MYCBPAP: variants seen among roughly 807,000 people sequenced by gnomAD.
MYCBPAP encodes MYCBP associated protein, also known as MYCBP-associated protein.
Under a neutral mutation model 106.1 loss-of-function variants are expected in MYCBPAP, and 60 were observed. The ratio of observed to expected loss-of-function variants is 0.57; its 90% CI spans 0.46 to 0.70. The LOEUF (loss-of-function observed/expected upper bound fraction) is 0.70. Among genes scored for constraint, MYCBPAP ranks in the 30% least tolerant of loss-of-function variants. The pLI is 0.00. For missense variants in MYCBPAP, 1,064 were observed against 1,169.3 expected (o/e 0.91, Z 1.31); for synonymous variants, 407 against 440.6 (o/e 0.92, Z 0.95).
At chr17:50,529,349 G>C (rs536067782) in intron 18 of MYCBPAP, 161 bp downstream of exon 18, 56 of 659,644 alleles carry the variant, frequency 8.5e-5, no homozygotes, top group Middle Eastern at 4.1e-4. Context: ...TAAGGAATGC[G>C]CCTAGCATGT....
At chr17:50,514,620 G>C (rs746306037) in intron 1 of MYCBPAP, among the ~76,000 whole-genome samples, 21 of 152,010 alleles carry the variant, frequency 1.4e-4, no homozygotes, top group Non-Finnish European at 2.8e-4. Context: ...TGCCACAACG[G>C]ACTCTTAAAT....
chr17:50,528,575 A>C (rs2144000165), intron 16 of MYCBPAP, 120 bp from the exon 17 acceptor site: 1 of 1,340,358 alleles, frequency 7.5e-7, no homozygotes, highest in Non-Finnish European at 1.0e-6. Context: ...CCACGCGCCT[A>C]CCAGGGCTCA....
At position 50,513,953 on chromosome 17, in the gene MYCBPAP, A is replaced by G. The variant is rs374200063; in HGVS notation, c.77-2617A>G. 7.9e-5 allele frequency among the ~76,000 whole-genome samples: 12 copies of G among 152,370 alleles called. No individual in the cohort carries two copies. In the East Asian group the frequency reaches 2.3e-3, roughly 29 times the overall value. ...GCCCTGCATGTGTGTTTGTGTGCAC[A>G]GAGCCATGCATTTAACAGACAGATA... On this transcript the variant is annotated intron_variant, in intron 1 of 18. Coordinates refer to ENST00000323776, the MANE Select transcript of MYCBPAP (RefSeq NM_032133.6).
Position 50,529,128 on chromosome 17 carries a change from T to C in MYCBPAP, c.2664T>C (p.Ser888=). Residue 888 remains serine, a synonymous_variant, in exon 18 of 19, where the codon TCT becomes TCC. Coordinates refer to ENST00000323776, the MANE Select transcript of MYCBPAP (RefSeq NM_032133.6). Reference sequence around the variant, plus strand: ...ACCCTACCCCTGACATCATCCTCTCTTCTCAAGAACCCATAGACCCCCTGG... The same window carrying C: ...ACCCTACCCCTGACATCATCCTCTCCTCTCAAGAACCCATAGACCCCCTGG... ...LEDPTPDIIL[S]SQEPIDPLVM... 2.5e-6 allele frequency: 4 copies of C among 1,613,932 alleles called. No individual in the cohort carries two copies. In the South Asian group the frequency reaches 4.4e-5, roughly 18 times the overall value.
chr17:50,522,948 G>A lies in MYCBPAP; in HGVS notation c.1267G>A (p.Gly423Arg). ...GSNPQDKRQV[G>R]IAAHLTFETL... The stretch of plus-strand genomic sequence containing the variant: ...TCCCTCCTCCTTCCAGAGGCAGGTT[G>A]GGATTGCTGCTCACTTGACCTTTGA... The change falls in exon 11 of 19, where the codon GGG (glycine) becomes AGG (arginine). Residue 423 changes from glycine (G) to arginine (R), a missense_variant. By Grantham distance (125) the Gly-to-Arg change is moderately radical (BLOSUM62 -2). Transcript: ENST00000323776. 1.2e-6 allele frequency: 2 copies of A among 1,609,784 alleles called. No homozygotes were observed. The highest frequency in any genetic ancestry group is 4.5e-5 in the East Asian group (2 of 44,724).
intron 14 of MYCBPAP, 139 bp downstream of exon 14, chr17:50,526,406 C>CTATT: frequency 1.8e-6 from 1 of 565,182 alleles, no homozygotes; most frequent in Non-Finnish European, 2.6e-6. Flanking sequence ...CTTGGGTTAT[C>CTATT]TATCTATCTA....
intron 10 of MYCBPAP, 115 bp downstream of exon 10, chr17:50,522,196 G>A (rs1050724059): frequency 7.4e-5 from 54 of 733,650 alleles, no homozygotes; most frequent in Middle Eastern, 3.9e-4. Context: ...TTATCTGGTC[G>A]TGCATTCAGC....
chr17:50,512,164 C>G (rs1348048478), intron 1 of MYCBPAP, among the ~76,000 whole-genome samples: 1 of 151,894 alleles, frequency 6.6e-6, no homozygotes, highest in East Asian at 1.9e-4. Flanking sequence ...CGCCATTCTC[C>G]TGCCTCAGCC....
chr17:50,508,344 G>A, upstream of MYCBPAP: 1 of 482,428 alleles, frequency 2.1e-6, no homozygotes, highest in South Asian at 3.5e-5. Context: ...CGCAACTCGC[G>A]GGGGTCCTCG....
At chr17:50,530,406 A>T in intron 18 of MYCBPAP, 1 of 193,092 alleles carries the variant, frequency 5.2e-6, no homozygotes, top group South Asian at 6.8e-5. Context: ...GAGGCACAAT[A>T]ATCGCTTGAA....
At chr17:50,524,730 G>A (rs1012015284) in intron 12 of MYCBPAP, 147 bp from the exon 13 acceptor site, 2 of 617,232 alleles carry the variant, frequency 3.2e-6, no homozygotes, top group Non-Finnish European at 2.7e-6. Flanking sequence ...GTGTGTGTGT[G>A]TGTGTGTGAG....
Position 50,523,643 on chromosome 17 carries a change from G to C in MYCBPAP, c.1494G>C (p.Lys498Asn). 1.2e-6 allele frequency: 2 copies of C among 1,614,218 alleles called. No homozygotes were observed. Among genetic ancestry groups the C allele is most frequent in the Non-Finnish European group, 8.5e-7 (1 of 1,180,048 alleles). ...TTAAAACATTTACCTTCTTCTTCAA[G>C]TCTTTGACTGCTGGGGTCTTCAGGG... ...GEIKTFTFFFKSLTAGVFREF... is the reference protein window; with the variant it reads ...GEIKTFTFFFNSLTAGVFREF... Residue 498 changes from lysine (K) to asparagine (N), a missense_variant, in exon 12 of 19, where the codon AAG becomes AAC. Coordinates refer to ENST00000323776, the MANE Select transcript of MYCBPAP (RefSeq NM_032133.6).
chr17:50,521,242 T>C lies in MYCBPAP; in HGVS notation c.1032+17T>C. On this transcript the variant is annotated intron_variant, in intron 8 of 18. Coordinates refer to ENST00000323776, the MANE Select transcript of MYCBPAP (RefSeq NM_032133.6). ...AGCCAGCAGGTTGGTATGGCCTCCA[T>C]GCCCCAGTCAGAAGCCCCTTGGGGC... 2 of 1,605,690 alleles carry C rather than the reference T, an allele frequency of 1.2e-6. No individual in the cohort carries two copies. Among genetic ancestry groups the C allele is most frequent in the Non-Finnish European group, 8.5e-7 (1 of 1,175,638 alleles).
chr17:50,524,735 TGTGA>T, intron 12 of MYCBPAP, 138 bp from the exon 13 acceptor site: 74 of 238,310 alleles, frequency 3.1e-4, no homozygotes, highest in Non-Finnish European at 3.5e-4. Context: ...TGTGTGTGTG[TGTGA>T]GAGAGAGAGA....
intron 13 of MYCBPAP, 72 bp downstream of exon 13, chr17:50,525,095 C>T: frequency 6.5e-7 from 1 of 1,539,970 alleles, no homozygotes; most frequent in Non-Finnish European, 8.8e-7. Context: ...GCAGGCCGCA[C>T]AGCGGCAGGT....
In MYCBPAP at chr17:50,519,626, TC is replaced by T. The variant is rs1421070498; in HGVS notation, c.769-12del. 2 of 1,613,948 alleles carry T rather than the reference TC, an allele frequency of 1.2e-6. No homozygotes were observed. Among genetic ancestry groups the T allele is most frequent in the Admixed American group, 3.3e-5 (2 of 60,014 alleles). ...GTGTCCTGGTAATCTGACTCACCTT[TC>T]CTTCCTTGCCAGAGCTGGGAGAACA... On this transcript the variant is annotated splice_polypyrimidine_tract_variant and intron_variant, in intron 6 of 18. Transcript: ENST00000323776.
intron 16 of MYCBPAP, 87 bp downstream of exon 16, chr17:50,528,357 C>G (rs937823066): frequency 6.0e-5 from 70 of 1,161,054 alleles, no homozygotes; most frequent in Non-Finnish European, 8.8e-6. Context: ...GCCAGTCATA[C>G]TCCTTTGGTG....
intron 18 of MYCBPAP, among the ~76,000 whole-genome samples, 178 bp from the exon 19 acceptor site, chr17:50,531,149 C>CAAA (rs11399946): frequency 9.7e-5 from 14 of 143,650 alleles, no homozygotes; most frequent in African/African-American, 2.8e-4. Context: ...GAGATCCTGT[C>CAAA]AAAAAAAAAA....
intron 15 of MYCBPAP, 38 bp downstream of exon 15, chr17:50,527,446 C>G (rs2034498399): frequency 1.2e-6 from 2 of 1,611,026 alleles, no homozygotes; most frequent in African/African-American, 2.7e-5. Flanking sequence ...CATCTCCTTC[C>G]CTTTGTGGCA....
Sources: gnomAD v4.1 joint callset for allele counts (sites outside exome capture counted in the v4.1 genomes callset) on GRCh38, gnomAD v4.1.1 for gene constraint, MANE v1.5 for transcripts, NCBI Gene and HGNC (gene_info 2026-07-23, HGNC 2026-07-21) for gene names.